The following GAL3ST2 variants were observed in gnomAD, a reference collection of about 807,000 sequenced individuals.
GAL3ST2 encodes the protein galactose-3-O-sulfotransferase 2.
In GAL3ST2, 16 loss-of-function variants were observed where a neutral mutation model predicts 12.9. The observed-to-expected ratio is 1.24, with a 90% CI of 0.84 to 1.88. The LOEUF (loss-of-function observed/expected upper bound fraction) is 1.88, where lower values mean the gene tolerates loss of function less well. Among genes scored for constraint, GAL3ST2 ranks in the 40% most tolerant of loss-of-function variants. GAL3ST2 has a pLI of 0.00. For missense variants in GAL3ST2, 639 were observed against 571.8 expected (o/e 1.12, Z -1.20); for synonymous variants, 302 against 273.9 (o/e 1.10, Z -1.01).
intron 1 of GAL3ST2, among the ~76,000 whole-genome samples, chr2:241,794,208 G>A (rs113187698): frequency 1.3e-3 from 200 of 152,164 alleles, no homozygotes; most frequent in African/African-American, 3.5e-3. Flanking sequence ...TCAGCCTCCC[G>A]AAGTGCTGGG....
chr2:241,801,439 T>C lies in GAL3ST2; in HGVS notation c.120-342T>C, dbSNP rs1204055163. On this transcript the variant is annotated intron_variant, in intron 2 of 3. Transcript: ENST00000192314. This position sits in a 1 kb window ranked among gnomAD's most constrained non-coding sequence, Gnocchi z 4.4. ...GACGAGGCGTCTACCTCCCATCCCATCACTGCTGGGAACTCAGTTTTAAGG... is the reference window on the plus strand; with the variant it reads ...GACGAGGCGTCTACCTCCCATCCCACCACTGCTGGGAACTCAGTTTTAAGG... The C allele has an allele frequency of 7.8e-6, 3 of 386,356 alleles. No individual in the cohort carries two copies. The highest frequency in any genetic ancestry group is 6.2e-5 in the African/African-American group (3 of 48,574). 23.9% of individuals were successfully genotyped at this position (386,356 alleles called of 1,614,324 possible). A position where few individuals can be genotyped will look rare whatever the true frequency, so the allele number is the denominator to read the frequency against.
chr2:241,803,902 C>CGCCCGGAGGCGCGAACTCGCGA lies in GAL3ST2; in HGVS notation c.937_958dup (p.Leu320ProfsTer61). ...TGCGCGGGGAGGTGGAGCGGCTGCG[C>CGCCCGGAGGCGCGAACTCGCGA]GCCCGGAGGCGCGAACTCGCGAGCC... On this transcript the variant is annotated frameshift_variant, in exon 4 of 4. Transcript: ENST00000192314. LOFTEE classifies it low-confidence loss of function (END_TRUNC). 7.8e-6 allele frequency: 11 copies of CGCCCGGAGGCGCGAACTCGCGA among 1,413,880 alleles called. No homozygotes were observed. The highest frequency in any genetic ancestry group is 1.0e-5 in the Non-Finnish European group (11 of 1,091,756). 87.6% of individuals were successfully genotyped at this position (1,413,880 alleles called of 1,614,324 possible).
At chr2:241,786,797 C>T (rs934634349) in intron 1 of GAL3ST2, among the ~76,000 whole-genome samples, 7 of 152,086 alleles carry the variant, frequency 4.6e-5, no homozygotes, top group African/African-American at 1.7e-4. Flanking sequence ...AGGGACATCT[C>T]CACCCAGAAT....
At chr2:241,781,415 A>G in intron 1 of GAL3ST2, among the ~76,000 whole-genome samples, 1 of 152,122 alleles carries the variant, frequency 6.6e-6, no homozygotes, top group East Asian at 1.9e-4. Flanking sequence ...CCCTGTATTT[A>G]AGAACACCTG....
chr2:241,790,302 G>A (rs1256510108), intron 1 of GAL3ST2, among the ~76,000 whole-genome samples: 2 of 152,184 alleles, frequency 1.3e-5, no homozygotes, highest in Non-Finnish European at 2.9e-5. Flanking sequence ...CAGAACAGGA[G>A]TTAACTGTGT....
At chr2:241,777,087 A>G (rs1181830829) in intron 1 of GAL3ST2, 103 bp downstream of exon 1, 1 of 1,065,466 alleles carries the variant, frequency 9.4e-7, no homozygotes, top group African/African-American at 1.6e-5. Flanking sequence ...GAAGGAAGTG[A>G]CTTGGATTTG....
intron 1 of GAL3ST2, among the ~76,000 whole-genome samples, chr2:241,791,342 G>A (rs1306867883): frequency 6.6e-6 from 1 of 152,196 alleles, no homozygotes; most frequent in Non-Finnish European, 1.5e-5. Context: ...TCATTTTGCA[G>A]CAGGACACAA....
At position 241,801,885 on chromosome 2, in the gene GAL3ST2, C is replaced by A. The variant is rs1699854480; in HGVS notation, c.224C>A (p.Ala75Asp). Reference protein sequence around the residue: ...STVLNILYRFAETHNLSVALP... With the variant: ...STVLNILYRFDETHNLSVALP... Reference sequence around the variant, plus strand: ...GTGCTCAACATCCTCTACCGCTTCGCCGAGACCCACAACCTGTCCGTGGCG... The same window carrying A: ...GTGCTCAACATCCTCTACCGCTTCGACGAGACCCACAACCTGTCCGTGGCG... The change falls in exon 3 of 4, where the codon GCC (alanine) becomes GAC (aspartate). Residue 75 changes from alanine (A) to aspartate (D), a missense_variant. Ala to Asp is a moderately radical substitution (Grantham distance 126, BLOSUM62 -2). Coordinates refer to ENST00000192314, the MANE Select transcript of GAL3ST2 (RefSeq NM_022134.3). This position sits in a 1 kb window ranked among gnomAD's most constrained non-coding sequence, Gnocchi z 4.4. 1 of 1,613,044 alleles carries A rather than the reference C, an allele frequency of 6.2e-7. No homozygotes were observed. Among genetic ancestry groups the A allele is most frequent in the Non-Finnish European group, 8.5e-7 (1 of 1,179,962 alleles).
At position 241,803,845 on chromosome 2, in the gene GAL3ST2, G is replaced by T; in HGVS notation, c.876G>T (p.Ala292=). 6.8e-7 allele frequency: 1 copy of T among 1,462,168 alleles called. No homozygotes were observed. Among genetic ancestry groups the T allele is most frequent in the South Asian group, 1.4e-5 (1 of 72,210 alleles). 90.6% of individuals were successfully genotyped at this position (1,462,168 alleles called of 1,614,324 possible). A position where few individuals can be genotyped will look rare whatever the true frequency, so the allele number is the denominator to read the frequency against. The change falls in exon 4 of 4, where the codon GCG becomes GCT. Residue 292 remains alanine, a synonymous_variant. Coordinates refer to ENST00000192314, the MANE Select transcript of GAL3ST2 (RefSeq NM_022134.3). ...AGCATTTCAACCGCACCCTCTGGGC[G>T]CAGCTGCGCGCCGAGCTGGGGCCGC... The part of the protein sequence containing the change: ...LYEHFNRTLW[A]QLRAELGPRR...
intron 1 of GAL3ST2, among the ~76,000 whole-genome samples, chr2:241,794,229 T>A (rs1013465868): frequency 2.7e-4 from 41 of 152,148 alleles, no homozygotes; most frequent in African/African-American, 8.2e-4. Context: ...ATCACAGGTG[T>A]GAGCCACCAC....
At chr2:241,799,959 G>A (rs982646390) in intron 2 of GAL3ST2, among the ~76,000 whole-genome samples, 6 of 152,244 alleles carry the variant, frequency 3.9e-5, no homozygotes, top group Non-Finnish European at 4.4e-5. Context: ...CGCTGGTCTC[G>A]GCTTTGGGGT....
rs549929840 is a variant in GAL3ST2, at chr2:241,796,151, G to A, written c.30-2914G>A. Among the ~76,000 whole-genome samples, 12 of 152,342 alleles carry A rather than the reference G, an allele frequency of 7.9e-5. No individual in the cohort carries two copies. In the South Asian group the frequency reaches 1.9e-3, roughly 24 times the overall value. On this transcript the variant is annotated intron_variant, in intron 1 of 3. Coordinates refer to ENST00000192314, the MANE Select transcript of GAL3ST2 (RefSeq NM_022134.3). The stretch of plus-strand genomic sequence containing the variant: ...AAGGAGACAAGATGTCATACGAAGA[G>A]GTTCTGTTGAAAGACGCAGTCTTGG...
rs1315040270 is a variant in GAL3ST2, at chr2:241,793,861, A to G, written c.30-5204A>G. Among the ~76,000 whole-genome samples, 4 of 152,146 alleles carry G rather than the reference A, an allele frequency of 2.6e-5. No individual in the cohort carries two copies. The highest frequency in any genetic ancestry group is 9.7e-5 in the African/African-American group (4 of 41,428). On this transcript the variant is annotated intron_variant, in intron 1 of 3. Coordinates refer to ENST00000192314, the MANE Select transcript of GAL3ST2 (RefSeq NM_022134.3). This position sits in a 1 kb window ranked among gnomAD's most constrained non-coding sequence, Gnocchi z 4.7. ...AAAAACCATCGCCATAAGAATTTGCATGAGTCTTCCTCATAGTCAACAAGG... is the reference window on the plus strand; with the variant it reads ...AAAAACCATCGCCATAAGAATTTGCGTGAGTCTTCCTCATAGTCAACAAGG...
intron 1 of GAL3ST2, among the ~76,000 whole-genome samples, chr2:241,785,749 C>A (rs1444208060): frequency 1.3e-5 from 2 of 152,020 alleles, no homozygotes; most frequent in South Asian, 2.1e-4. Flanking sequence ...GAAAAACAGA[C>A]CTCAGTCAAC....
chr2:241,783,614 C>T lies in GAL3ST2; in HGVS notation c.29+6630C>T, dbSNP rs1431138811. Among the ~76,000 whole-genome samples the T allele has an allele frequency of 9.9e-5, 15 of 152,170 alleles. No homozygotes were observed. The East Asian group carries it at 2.9e-3, about 29-fold the overall frequency. On this transcript the variant is annotated intron_variant, in intron 1 of 3. Coordinates refer to ENST00000192314, the MANE Select transcript of GAL3ST2 (RefSeq NM_022134.3). ...ATATCTATTATCTAATTTAATATAA[C>T]TTTAGATTCTAAATTATGACGTTTG...
intron 1 of GAL3ST2, among the ~76,000 whole-genome samples, chr2:241,784,546 C>T (rs1575362082): frequency 1.3e-5 from 2 of 152,116 alleles, no homozygotes; most frequent in Admixed American, 1.3e-4. Context: ...TAAAATCCAG[C>T]GTATTAAAGA....
Position 241,803,967 on chromosome 2 carries a change from A to G in GAL3ST2, c.998A>G (p.Gln333Arg), listed in dbSNP as rs961245190. 6.6e-7 allele frequency: 1 copy of G among 1,521,160 alleles called. No homozygotes were observed. Among genetic ancestry groups the G allele is most frequent in the Non-Finnish European group, 8.8e-7 (1 of 1,138,092 alleles). 94.2% of individuals were successfully genotyped at this position (1,521,160 alleles called of 1,614,324 possible). A position where few individuals can be genotyped will look rare whatever the true frequency, so the allele number is the denominator to read the frequency against. The change falls in exon 4 of 4, where the codon CAG becomes CGG. Residue 333 changes from glutamine to arginine, a missense_variant. By Grantham distance (43) the Gln-to-Arg change is conservative (BLOSUM62 1). Transcript: ENST00000192314. The stretch of plus-strand genomic sequence containing the variant: ...GGCGGCGCGCTCAAGAACCACACGC[A>G]GATCAGAGACCCGCGCCTGCGCCCC... ...QDGGALKNHT[Q>R]IRDPRLRPYQ...
At position 241,803,688 on chromosome 2, in the gene GAL3ST2, G is replaced by C; in HGVS notation, c.719G>C (p.Arg240Pro). 1.3e-6 allele frequency: 2 copies of C among 1,545,548 alleles called. No homozygotes were observed. Among genetic ancestry groups the C allele is most frequent in the Non-Finnish European group, 1.7e-6 (2 of 1,144,296 alleles). ...LDESLVLLRR[R>P]LRWALDDVVA... ...GAGTCCCTGGTGCTGCTGCGGCGCC[G>C]GCTGCGCTGGGCGCTGGACGACGTG... The change falls in exon 4 of 4, where the codon CGG becomes CCG. Residue 240 changes from arginine (R) to proline (P), a missense_variant. Coordinates refer to ENST00000192314, the MANE Select transcript of GAL3ST2 (RefSeq NM_022134.3).
In GAL3ST2 at chr2:241,804,103, C is replaced by T. The variant is rs780795789; in HGVS notation, c.1134C>T (p.Ala378=). The change falls in exon 4 of 4, where the codon GCC becomes GCT. Residue 378 remains alanine, a synonymous_variant. Coordinates refer to ENST00000192314, the MANE Select transcript of GAL3ST2 (RefSeq NM_022134.3). ...TGATGCCTGAGCTCCAGTACATGGC[C>T]CGCCTGTACGCCCTGCAGTTCCCGG... is the stretch of plus-strand genomic sequence containing the variant. ...RLVMPELQYM[A]RLYALQFPEK... is the part of the protein sequence containing the mutation. 1 of 1,525,324 alleles carries T rather than the reference C, an allele frequency of 6.6e-7. No individual in the cohort carries two copies. The highest frequency in any genetic ancestry group is 8.8e-7 in the Non-Finnish European group (1 of 1,136,044). 94.5% of individuals were successfully genotyped at this position (1,525,324 alleles called of 1,614,324 possible).
Sources: allele counts gnomAD v4.1 joint callset (sites outside exome capture counted in the v4.1 genomes callset), GRCh38; gene constraint gnomAD v4.1.1; non-coding constraint Gnocchi (gnomAD v3.1); transcripts MANE v1.5; gene names NCBI Gene and HGNC (gene_info 2026-07-23, HGNC 2026-07-21).